Variants in EPB41L4A observed in about 807,000 individuals in gnomAD.
The protein encoded by EPB41L4A is band 4.1-like protein 4A.
A neutral mutation model predicts 108.6 loss-of-function variants in EPB41L4A; 100 were observed. That is an observed-to-expected ratio of 0.92 (90% CI 0.78 to 1.09). The LOEUF is 1.09. EPB41L4A is among the 50% of genes least tolerant of loss of function. EPB41L4A has a pLI of 0.00. For missense variants in EPB41L4A, 1,030 were observed against 842.7 expected, an observed-to-expected ratio of 1.22 and a Z score of -2.75; for synonymous variants, 319 against 289.0, an observed-to-expected ratio of 1.10 and a Z score of -1.05.
chr5:112,157,958 T>G (rs138783085), downstream of EPB41L4A, among the ~76,000 whole-genome samples: 3 of 152,320 alleles, frequency 2.0e-5, no homozygotes, highest in African/African-American at 7.2e-5. Context: ...ATCCACTATC[T>G]TCTTCTCATG....
In EPB41L4A at chr5:112,175,740, A is replaced by ATG. The variant is rs1239797194; in HGVS notation, c.1623-4750_1623-4749dup. On this transcript the variant is annotated intron_variant, in intron 18 of 22. Coordinates refer to ENST00000261486, the MANE Select transcript of EPB41L4A (RefSeq NM_022140.5). ...TGAAGATATGTGTGTGTGTGTGTAT[A>ATG]TGTATATATATATGAAGGATAATTT... 4.7e-4 allele frequency among the ~76,000 whole-genome samples: 72 copies of ATG among 151,866 alleles called. 1 individual carries two copies. The South Asian group carries it at 0.013, about 27-fold the overall frequency.
intron 1 of EPB41L4A, among the ~76,000 whole-genome samples, chr5:112,325,906 A>G (rs1197322524): frequency 1.3e-5 from 2 of 152,172 alleles, no homozygotes; most frequent in African/African-American, 2.4e-5. Context: ...AACTACAGCA[A>G]CTCAGGAGGC....
At chr5:112,296,362 T>C (rs1180389754) in intron 2 of EPB41L4A, among the ~76,000 whole-genome samples, 3 of 152,092 alleles carry the variant, frequency 2.0e-5, no homozygotes, top group African/African-American at 4.8e-5. Context: ...TTCCTAGAAA[T>C]TGTGGAGTTG....
intron 3 of EPB41L4A, among the ~76,000 whole-genome samples, chr5:112,276,298 G>A (rs1561533275): frequency 6.6e-6 from 1 of 152,010 alleles, no homozygotes; most frequent in South Asian, 2.1e-4. Flanking sequence ...CAGAAACAAA[G>A]CCTGGAATTG....
rs149705074 is a variant in EPB41L4A, at chr5:112,389,731, C to T, written c.99+29210G>A. ...CTTACTCTACTTATGGAAGGGTTGCCCAATTCCAGAATTGCAAATAAAGCT... is the reference window on the plus strand; with the variant it reads ...CTTACTCTACTTATGGAAGGGTTGCTCAATTCCAGAATTGCAAATAAAGCT... On this transcript the variant is annotated intron_variant, in intron 1 of 22. Transcript: ENST00000261486. Among the ~76,000 whole-genome samples the T allele has an allele frequency of 2.1e-3, 319 of 152,266 alleles. 1 individual carries two copies. The highest frequency in any genetic ancestry group is 1.0e-2 in the South Asian group (48 of 4,818).
chr5:112,376,549 G>A (rs1454624228), intron 1 of EPB41L4A, among the ~76,000 whole-genome samples: 7 of 152,158 alleles, frequency 4.6e-5, no homozygotes, highest in Non-Finnish European at 1.0e-4. Flanking sequence ...TCAGAGAAAT[G>A]AAATTTTATT....
At position 112,338,418 on chromosome 5, in the gene EPB41L4A, C is replaced by A. The variant is rs118020384; in HGVS notation, c.100-30928G>T. ...GCCTGCCCACCTGCTCCGGCTCTCT[C>A]CAGCATGGCTGGCTCCCTGCTGTTA... On this transcript the variant is annotated intron_variant, in intron 1 of 22. Transcript: ENST00000261486. 2.8e-3 allele frequency among the ~76,000 whole-genome samples: 425 copies of A among 152,294 alleles called. 10 individuals carry two copies. The East Asian group carries it at 0.063, about 23-fold the overall frequency.
rs1002351116 is a variant in EPB41L4A, at chr5:112,307,623, A to G, written c.100-133T>C. 6.4e-4 allele frequency: 318 copies of G among 495,456 alleles called. 4 individuals carry two copies. The highest frequency in any genetic ancestry group is 1.4e-4 in the Non-Finnish European group (39 of 288,012). 30.7% of individuals were successfully genotyped at this position (495,456 alleles called of 1,614,324 possible). ...GTATCAGACCATGGTTCTTCTCTGT[A>G]AGTTGTGCCTCAATTATGAAGAAAA... On this transcript the variant is annotated intron_variant, in intron 1 of 22. Coordinates refer to ENST00000261486, the MANE Select transcript of EPB41L4A (RefSeq NM_022140.5).
chr5:112,407,003 G>T (rs548841150), intron 1 of EPB41L4A, among the ~76,000 whole-genome samples: 2 of 152,160 alleles, frequency 1.3e-5, no homozygotes, highest in East Asian at 3.9e-4. Flanking sequence ...GTAGCATCGT[G>T]GGGCTGAATT....
chr5:112,371,562 C>T (rs1759498590), intron 1 of EPB41L4A, among the ~76,000 whole-genome samples: 1 of 152,138 alleles, frequency 6.6e-6, no homozygotes, highest in Non-Finnish European at 1.5e-5. Context: ...ATTGTAACTG[C>T]ATTGGAGGAA....
At chr5:112,238,376 T>A (rs1452182003) in intron 11 of EPB41L4A, among the ~76,000 whole-genome samples, 1 of 152,204 alleles carries the variant, frequency 6.6e-6, no homozygotes. Context: ...TCCAAGAATA[T>A]CTATAATACA....
intron 1 of EPB41L4A, among the ~76,000 whole-genome samples, chr5:112,393,964 C>A (rs1200123581): frequency 1.3e-5 from 2 of 152,056 alleles, no homozygotes; most frequent in African/African-American, 4.8e-5. Flanking sequence ...TAATCCATCA[C>A]ATAAACAAAA....
chr5:112,331,099 C>G (rs189219806), intron 1 of EPB41L4A, among the ~76,000 whole-genome samples: 1 of 152,294 alleles, frequency 6.6e-6, no homozygotes, highest in East Asian at 1.9e-4. Context: ...AGCCTGAGTT[C>G]CAATCTCAGT....
chr5:112,150,749 G>T (rs1433921555), intron 12 of EPB41L4A, among the ~76,000 whole-genome samples: 1 of 152,138 alleles, frequency 6.6e-6, no homozygotes. Context: ...AAAATGTAAG[G>T]CATATTCATT....
intron 11 of EPB41L4A, 61 bp downstream of exon 11, chr5:112,239,599 G>T: frequency 1.9e-6 from 2 of 1,052,816 alleles, no homozygotes; most frequent in Non-Finnish European, 2.7e-6. Context: ...GAGCATGTAT[G>T]ACAGCTGAAT....
intron 4 of EPB41L4A, among the ~76,000 whole-genome samples, chr5:112,272,138 A>ATTAT (rs1554088761): frequency 2.2e-5 from 3 of 136,538 alleles, no homozygotes; most frequent in Non-Finnish European, 3.1e-5. Context: ...CATTATTTGT[A>ATTAT]TTTTTTTTTT....
At chr5:112,395,566 G>A (rs1384149502) in intron 1 of EPB41L4A, among the ~76,000 whole-genome samples, 1 of 152,198 alleles carries the variant, frequency 6.6e-6, no homozygotes, top group Non-Finnish European at 1.5e-5. Context: ...ATGCCAGTTA[G>A]AATGGCGATC....
intron 1 of EPB41L4A, among the ~76,000 whole-genome samples, chr5:112,414,461 G>A (rs980038586): frequency 6.6e-6 from 1 of 152,164 alleles, no homozygotes; most frequent in African/African-American, 2.4e-5. Context: ...TATTGGAAAA[G>A]AGGTGCCACA....
rs1259074868 is a variant in EPB41L4A, at chr5:112,168,340, C to A, written c.1932+399G>T. On this transcript the variant is annotated intron_variant, in intron 22 of 22. Transcript: ENST00000261486. ...TGGAGAAGACAGAAATAAAACAGGA[C>A]TTAAGTAATTCTTCTGTCTGCTATC... Among the ~76,000 whole-genome samples, 4 of 152,186 alleles carry A rather than the reference C, an allele frequency of 2.6e-5. No individual in the cohort carries two copies. The South Asian group carries it at 8.3e-4, about 32-fold the overall frequency.
Sources: gnomAD v4.1 joint callset for allele counts (sites outside exome capture counted in the v4.1 genomes callset) on GRCh38, gnomAD v4.1.1 for gene constraint, MANE v1.5 for transcripts, NCBI Gene and HGNC (gene_info 2026-07-23, HGNC 2026-07-21) for gene names.